The following PHACTR3 variants were observed in gnomAD, a reference collection of about 807,000 sequenced individuals.
The protein encoded by PHACTR3 is protein phosphatase 1, regulatory subunit 123.
A neutral mutation model predicts 66.8 loss-of-function variants in PHACTR3; 16 were observed. The observed-to-expected ratio is 0.24, with a 90% CI of 0.16 to 0.36. The LOEUF is 0.36. PHACTR3 is among the 10% of genes least tolerant of loss of function. The pLI, the probability that PHACTR3 is intolerant of heterozygous loss-of-function variation, is 1.00. For synonymous variants in PHACTR3, 323 were observed against 292.1 expected (o/e 1.11, Z -1.08); for missense variants, 647 against 719.9 (o/e 0.90, Z 1.16).
intron 2 of PHACTR3, among the ~76,000 whole-genome samples, chr20:59,745,887 G>A (rs6123930): frequency 0.15 from 23,479 of 152,188 alleles, 3,686 homozygotes; most frequent in African/African-American, 0.4. Context: ...TTGGGTCATC[G>A]GGAAGTCCTT....
At chr20:59,799,928 C>T (rs2041364034) in intron 7 of PHACTR3, among the ~76,000 whole-genome samples, 1 of 152,078 alleles carries the variant, frequency 6.6e-6, no homozygotes, top group Non-Finnish European at 1.5e-5. Context: ...TCCACTTTAT[C>T]TCCTCTGTTG....
intron 1 of PHACTR3, among the ~76,000 whole-genome samples, chr20:59,636,580 T>A (rs1361638098): frequency 1.3e-5 from 2 of 152,146 alleles, no homozygotes; most frequent in Non-Finnish European, 2.9e-5. Context: ...GGGCTCTGCT[T>A]ACTGGCTGTG....
intron 12 of PHACTR3, 73 bp downstream of exon 12, chr20:59,845,338 C>G: frequency 1.1e-6 from 1 of 932,674 alleles, no homozygotes. Flanking sequence ...TCCCCCGCCA[C>G]AAACCATGTA....
chr20:59,846,687 A>G (rs976462971), intron 12 of PHACTR3, among the ~76,000 whole-genome samples: 2 of 152,210 alleles, frequency 1.3e-5, no homozygotes, highest in African/African-American at 2.4e-5. Flanking sequence ...AATTATTTCA[A>G]CAATTCAAGA....
intron 1 of PHACTR3, among the ~76,000 whole-genome samples, chr20:59,633,606 T>C (rs2034747231): frequency 2.0e-5 from 3 of 152,330 alleles, no homozygotes; most frequent in Admixed American, 1.3e-4. Context: ...TCTGCATATG[T>C]ATCCCGCTTT....
rs2145468763 is a variant in PHACTR3 at position 59,830,933 on chromosome 20, A to AGT, written c.1329-5570_1329-5569dup. Among the ~76,000 whole-genome samples, 1 of 152,212 alleles carries AGT rather than the reference A, an allele frequency of 6.6e-6. No individual in the cohort carries two copies. The highest frequency in any genetic ancestry group is 2.1e-4 in the South Asian group (1 of 4,826). ...ACAGACCTGGAAATGTGGGTGGCACAGTGGCATCATGACTCCTGGAGCCTC... is the reference window on the plus strand; with the variant it reads ...ACAGACCTGGAAATGTGGGTGGCACAGTGTGGCATCATGACTCCTGGAGCCTC... On this transcript the variant is annotated intron_variant, in intron 8 of 12. Transcript: ENST00000371015. This position sits in a 1 kb window ranked among gnomAD's most constrained non-coding sequence, Gnocchi z 5.8.
intron 1 of PHACTR3, among the ~76,000 whole-genome samples, chr20:59,644,950 C>G (rs2035231665): frequency 6.6e-6 from 1 of 152,066 alleles, no homozygotes; most frequent in Non-Finnish European, 1.5e-5. Flanking sequence ...GGCTTCTGTT[C>G]ATTCTGTCAC....
At chr20:59,722,378 A>G (rs1363905921) in intron 1 of PHACTR3, among the ~76,000 whole-genome samples, 1 of 152,154 alleles carries the variant, frequency 6.6e-6, no homozygotes, top group Non-Finnish European at 1.5e-5. Context: ...GGGAGAAGGT[A>G]TTCCTGGCAG....
At chr20:59,728,032 T>A (rs955568645) in intron 1 of PHACTR3, among the ~76,000 whole-genome samples, 2 of 152,300 alleles carry the variant, frequency 1.3e-5, no homozygotes, top group Middle Eastern at 3.4e-3. Flanking sequence ...TGAGGTAAAA[T>A]TCATATAGCA....
At chr20:59,804,844 TTTCTA>T (rs1291803764) in intron 7 of PHACTR3, among the ~76,000 whole-genome samples, 1 of 152,234 alleles carries the variant, frequency 6.6e-6, no homozygotes, top group Non-Finnish European at 1.5e-5. Context: ...ACTTTCTTGC[TTTCTA>T]TTCCCGCCTC....
Position 59,787,961 on chromosome 20 carries a change from G to A in PHACTR3, c.1174+13471G>A, listed in dbSNP as rs114812542. On this transcript the variant is annotated intron_variant, in intron 7 of 12. Coordinates refer to ENST00000371015, the MANE Select transcript of PHACTR3 (RefSeq NM_080672.5). ...TACACACCCACAGATGCATTTTTCC[G>A]TTTTATTTTATTTCTTCCATAAGTT... Among the ~76,000 whole-genome samples, 396 of 152,150 alleles carry A rather than the reference G, an allele frequency of 2.6e-3. 4 individuals are homozygous for A. Among genetic ancestry groups the A allele is most frequent in the African/African-American group, 9.0e-3 (374 of 41,516 alleles).
intron 1 of PHACTR3, among the ~76,000 whole-genome samples, chr20:59,581,650 G>A (rs2032861185): frequency 6.6e-6 from 1 of 152,190 alleles, no homozygotes; most frequent in Non-Finnish European, 1.5e-5. Flanking sequence ...GGGAGGCTGA[G>A]GCCAGCAGAT....
chr20:59,612,663 C>T (rs376196633), intron 1 of PHACTR3, among the ~76,000 whole-genome samples: 66 of 152,284 alleles, frequency 4.3e-4, no homozygotes, highest in African/African-American at 1.4e-3. Context: ...GGATTACAGG[C>T]GTAAGCCACC....
At chr20:59,837,471 G>A (rs8122810) in intron 9 of PHACTR3, among the ~76,000 whole-genome samples, 10,571 of 152,174 alleles carry the variant, frequency 0.069, 1,134 homozygotes, top group African/African-American at 0.23. Flanking sequence ...CTTTGCCTCA[G>A]TGCCTTCATT....
At chr20:59,664,314 G>A (rs1169009241) in intron 1 of PHACTR3, among the ~76,000 whole-genome samples, 1 of 152,098 alleles carries the variant, frequency 6.6e-6, no homozygotes, top group East Asian at 1.9e-4. Flanking sequence ...CCACCTCCAT[G>A]GCCATATCCT....
intron 9 of PHACTR3, among the ~76,000 whole-genome samples, chr20:59,838,246 G>T (rs1445667725): frequency 6.6e-6 from 1 of 152,116 alleles, no homozygotes; most frequent in East Asian, 1.9e-4. Context: ...GTGGAGATGA[G>T]AATAGGGTAA....
intron 3 of PHACTR3, among the ~76,000 whole-genome samples, chr20:59,750,181 C>T (rs1354542854): frequency 6.6e-6 from 1 of 151,648 alleles, no homozygotes; most frequent in Non-Finnish European, 1.5e-5. Flanking sequence ...GTGAAGGATG[C>T]AGCACCCTAA....
At chr20:59,809,395 A>T (rs1430309737) in intron 8 of PHACTR3, among the ~76,000 whole-genome samples, 1 of 151,930 alleles carries the variant, frequency 6.6e-6, no homozygotes, top group Non-Finnish European at 1.5e-5. Context: ...CAGTGATGGG[A>T]CGTGTGTTCC....
chr20:59,724,750 G>A (rs2038496614), intron 1 of PHACTR3, among the ~76,000 whole-genome samples: 1 of 152,192 alleles, frequency 6.6e-6, no homozygotes. Flanking sequence ...ACGCTCTCAA[G>A]CGACTCTCCC....
Sources: gnomAD v4.1 joint callset for allele counts (sites outside exome capture counted in the v4.1 genomes callset) on GRCh38, gnomAD v4.1.1 for gene constraint, Gnocchi (gnomAD v3.1) non-coding constraint, MANE v1.5 for transcripts, NCBI Gene and HGNC (gene_info 2026-07-23, HGNC 2026-07-21) for gene names.